The following LIMS2 variants were observed in gnomAD, a reference collection of about 807,000 sequenced individuals.
LIMS2 encodes the protein LIM zinc finger domain containing 2.
Under a neutral mutation model 45.3 loss-of-function variants are expected in LIMS2, and 30 were observed. That is an observed-to-expected ratio of 0.66 (90% CI 0.50 to 0.90). The LOEUF is 0.90. Among genes scored for constraint, LIMS2 ranks in the 40% least tolerant of loss-of-function variants. LIMS2 has a pLI of 0.00. For missense variants in LIMS2, 485 were observed against 468.7 expected (o/e 1.03, Z -0.32); for synonymous variants, 173 against 188.0 (o/e 0.92, Z 0.65).
intron 1 of LIMS2, among the ~76,000 whole-genome samples, chr2:127,666,931 G>T (rs762433716): frequency 2.0e-5 from 3 of 152,166 alleles, no homozygotes; most frequent in African/African-American, 4.8e-5. Flanking sequence ...CCCTTGACAC[G>T]TGGGGATTAT....
In LIMS2 at chr2:127,672,142, C is replaced by T. The variant is rs73954696; in HGVS notation, c.11+2872G>A. ...TTATGCAGCCAAGCCACTGAGCTCA[C>T]GTGGCCGTGGGTGTCAACATCCCAG... On this transcript the variant is annotated intron_variant, in intron 1 of 9. Transcript: ENST00000355119. This position sits in a 1 kb window ranked among gnomAD's most constrained non-coding sequence, Gnocchi z 4.9. 0.042 allele frequency among the ~76,000 whole-genome samples: 6,428 copies of T among 152,286 alleles called. 238 individuals are homozygous for T. The highest frequency in any genetic ancestry group is 0.097 in the African/African-American group (4,029 of 41,528).
intron 2 of LIMS2, among the ~76,000 whole-genome samples, chr2:127,656,770 G>A (rs1254976191): frequency 1.3e-5 from 2 of 152,118 alleles, no homozygotes; most frequent in Non-Finnish European, 2.9e-5. Context: ...CACACCCCGA[G>A]GTGGCTCCTG....
At position 127,668,096 on chromosome 2, in the gene LIMS2, TAGG is replaced by T. The variant is rs150170960; in HGVS notation, c.11+6915_11+6917del. 1.2e-3 allele frequency among the ~76,000 whole-genome samples: 186 copies of T among 152,262 alleles called. 2 individuals are homozygous for T. The highest frequency in any genetic ancestry group is 3.6e-3 in the African/African-American group (150 of 41,556). ...ACAGCATCAAAATGAATAAAATACT[TAGG>T]AGTAAGTTTAACAAAATAAATGCAA... On this transcript the variant is annotated intron_variant, in intron 1 of 9. Coordinates refer to ENST00000355119, the MANE Select transcript of LIMS2 (RefSeq NM_001161403.3).
At chr2:127,649,992 A>C in intron 4 of LIMS2, 1 of 1,601,262 alleles carries the variant, frequency 6.2e-7, no homozygotes, top group Non-Finnish European at 8.5e-7. Flanking sequence ...TCCTAAACAC[A>C]GGTCTCCCCA....
chr2:127,673,979 G>A, intron 1 of LIMS2: 1 of 529,162 alleles, frequency 1.9e-6, no homozygotes, highest in East Asian at 3.3e-5. Flanking sequence ...AGAAAGGGAA[G>A]TGTGTCTGGA....
In LIMS2 at chr2:127,657,494, C is replaced by A. The variant is rs750778023; in HGVS notation, c.80G>T (p.Arg27Leu). The A allele has an allele frequency of 6.2e-7, 1 of 1,613,378 alleles. No homozygotes were observed. Among genetic ancestry groups the A allele is most frequent in the Non-Finnish European group, 8.5e-7 (1 of 1,179,828 alleles). The part of the protein sequence containing the change: ...RCQARFSPAE[R>L]IVNSNGELYH... ...CAGCTCCCCATTGCTGTTGACAATG[C>A]GCTCGGCGGGGGAGAAGCGGGCCTG... The change falls in exon 2 of 10, where the codon CGC becomes CTC. Residue 27 changes from arginine to leucine, a missense_variant. Physicochemically the swap from Arg to Leu is moderately radical, Grantham distance 102 (BLOSUM62 -2). Coordinates refer to ENST00000355119, the MANE Select transcript of LIMS2 (RefSeq NM_001161403.3).
intron 4 of LIMS2, chr2:127,646,323 G>A (rs1331888234): frequency 1.3e-5 from 2 of 152,264 alleles, no homozygotes; most frequent in Non-Finnish European, 1.5e-5. Flanking sequence ...CCCTGCCCAG[G>A]GAGACAGGCA....
intron 4 of LIMS2, chr2:127,643,960 G>A (rs1288416068): frequency 1.6e-5 from 7 of 435,872 alleles, no homozygotes; most frequent in African/African-American, 1.4e-4. Flanking sequence ...TGGTCAGGGA[G>A]GATACGGAAG....
chr2:127,661,668 T>C (rs185922457), intron 1 of LIMS2, among the ~76,000 whole-genome samples: 5 of 152,318 alleles, frequency 3.3e-5, no homozygotes, highest in African/African-American at 9.6e-5. Context: ...CACCATCTCA[T>C]GCCCTTCCTC....
intron 1 of LIMS2, among the ~76,000 whole-genome samples, chr2:127,660,450 C>G (rs781152351): frequency 6.6e-6 from 1 of 152,178 alleles, no homozygotes; most frequent in African/African-American, 2.4e-5. Context: ...AGTTTCAATC[C>G]TGAAGCCAGC....
rs973720143 is a variant in LIMS2, at chr2:127,660,663, CTG to C, written c.12-3103_12-3102del. On this transcript the variant is annotated intron_variant, in intron 1 of 9. Coordinates refer to ENST00000355119, the MANE Select transcript of LIMS2 (RefSeq NM_001161403.3). ...ACTCCAGACATACAGTCTTGAAGAACTGTAACACTCACCGTGAGGGTCCATGG... is the reference window on the plus strand; with the variant it reads ...ACTCCAGACATACAGTCTTGAAGAACTAACACTCACCGTGAGGGTCCATGG... Among the ~76,000 whole-genome samples, 7 of 151,602 alleles carry C rather than the reference CTG, an allele frequency of 4.6e-5. 1 individual carries two copies. The highest frequency in any genetic ancestry group is 1.7e-4 in the African/African-American group (7 of 40,860).
intron 1 of LIMS2, among the ~76,000 whole-genome samples, chr2:127,657,782 T>C (rs1684363008): frequency 6.6e-6 from 1 of 152,196 alleles, no homozygotes; most frequent in Admixed American, 6.5e-5. Context: ...TGGGCCCCTA[T>C]TACCCCTTCT....
At position 127,643,061 on chromosome 2, in the gene LIMS2, C is replaced by G; in HGVS notation, c.371G>C (p.Arg124Pro). 6.3e-7 allele frequency: 1 copy of G among 1,580,540 alleles called. No homozygotes were observed. Among genetic ancestry groups the G allele is most frequent in the East Asian group, 2.3e-5 (1 of 43,190 alleles). Residue 124 changes from arginine to proline, a missense_variant, in exon 5 of 10, where the codon CGG becomes CCG. By Grantham distance (103) the Arg-to-Pro change is moderately radical. Transcript: ENST00000355119. ...FVKNAGRHLCRPCHNREKAKG... is the reference protein window; with the variant it reads ...FVKNAGRHLCPPCHNREKAKG... ...GGCCTTCTCACGGTTGTGGCAAGGC[C>G]GGCAGAGATGCCTGCGGGAGGCGGG...
intron 7 of LIMS2, 192 bp from the exon 8 acceptor site, chr2:127,640,510 A>G (rs1306366086): frequency 6.3e-6 from 4 of 639,350 alleles, no homozygotes; most frequent in Non-Finnish European, 1.1e-5. Context: ...GAAGGACAAC[A>G]GGCTGGGGCG....
chr2:127,660,804 C>T (rs1227583566), intron 1 of LIMS2, among the ~76,000 whole-genome samples: 2 of 152,178 alleles, frequency 1.3e-5, no homozygotes, highest in Non-Finnish European at 2.9e-5. Context: ...CCTTCCGGCT[C>T]ATCTTCCAGT....
At chr2:127,676,019 G>A (rs1365399964), upstream of LIMS2, among the ~76,000 whole-genome samples, 2 of 152,252 alleles carry the variant, frequency 1.3e-5, no homozygotes, top group Admixed American at 1.3e-4. Context: ...TACCATTAGA[G>A]GCGTTAAGAT....
At chr2:127,657,601 C>A in intron 1 of LIMS2, 39 bp from the exon 2 acceptor site, 1 of 1,556,824 alleles carries the variant, frequency 6.4e-7, no homozygotes, top group Non-Finnish European at 8.7e-7. Flanking sequence ...CAGAGCTGGT[C>A]AGGGGTGCAG....
rs1395265697 is a variant in LIMS2, at chr2:127,639,132, TGAGGGAACAG to T, written c.*139_*148del. 2.0e-5 allele frequency: 16 copies of T among 805,996 alleles called. No homozygotes were observed. Among genetic ancestry groups the T allele is most frequent in the Non-Finnish European group, 2.9e-5 (15 of 520,312 alleles). The allele number at this position is 805,996 out of a possible 1,614,324, so 49.9% of individuals were successfully genotyped here. On this transcript the variant is annotated 3_prime_UTR_variant, in exon 10 of 10. Coordinates refer to ENST00000355119, the MANE Select transcript of LIMS2 (RefSeq NM_001161403.3). Reference sequence around the variant, plus strand: ...AGGAGAGACATGGGGAAGGCAGAGATGAGGGAACAGGAAGGGAGAAGGCAATGAGGAAAGA... The same window carrying T: ...AGGAGAGACATGGGGAAGGCAGAGATGAAGGGAGAAGGCAATGAGGAAAGA...
At chr2:127,650,896 G>T (rs1301681853) in intron 4 of LIMS2, 2 of 1,614,094 alleles carry the variant, frequency 1.2e-6, no homozygotes, top group Non-Finnish European at 8.5e-7. Context: ...CTGGCTCTGT[G>T]GCTTTTCATC....
Sources: allele counts gnomAD v4.1 joint callset (sites outside exome capture counted in the v4.1 genomes callset), GRCh38; gene constraint gnomAD v4.1.1; non-coding constraint Gnocchi (gnomAD v3.1); transcripts MANE v1.5; gene names NCBI Gene and HGNC (gene_info 2026-07-23, HGNC 2026-07-21).